The following HECTD2 variants were observed in gnomAD, a reference collection of about 807,000 sequenced individuals.
HECTD2 encodes the protein probable E3 ubiquitin-protein ligase HECTD2.
HECTD2 carries 35 observed loss-of-function variants against 103.2 expected under a neutral mutation model. That is an observed-to-expected ratio of 0.34 (90% CI 0.26 to 0.45). The LOEUF is 0.45. HECTD2 is among the 20% of genes least tolerant of loss of function. HECTD2 has a pLI of 1.00. For missense variants in HECTD2, 596 were observed against 937.4 expected (o/e 0.64, Z 4.76); for synonymous variants, 281 against 329.9 (o/e 0.85, Z 1.61).
intron 1 of HECTD2, among the ~76,000 whole-genome samples, chr10:91,419,491 C>G (rs905541185): frequency 1.3e-5 from 2 of 151,956 alleles, no homozygotes; most frequent in East Asian, 1.9e-4. Context: ...ATTATATCAT[C>G]AAAAAGACCA....
intron 6 of HECTD2, among the ~76,000 whole-genome samples, chr10:91,480,552 A>G (rs902980524): frequency 2.5e-4 from 38 of 152,084 alleles, no homozygotes; most frequent in African/African-American, 8.4e-4. Context: ...TAGCCTTGAG[A>G]ATAACAAAAG....
intron 20 of HECTD2, 51 bp downstream of exon 20, chr10:91,501,385 C>A: frequency 8.7e-7 from 1 of 1,147,594 alleles, no homozygotes; most frequent in Non-Finnish European, 1.3e-6. Context: ...ACTGCTAATA[C>A]TGCTAATGAT....
intron 2 of HECTD2, among the ~76,000 whole-genome samples, chr10:91,435,527 G>A (rs763542275): frequency 1.3e-5 from 2 of 151,998 alleles, no homozygotes; most frequent in Non-Finnish European, 2.9e-5. Flanking sequence ...GTGATGACAA[G>A]TATCAACATT....
chr10:91,506,270 A>G (rs1362713652), intron 20 of HECTD2, among the ~76,000 whole-genome samples: 1 of 152,048 alleles, frequency 6.6e-6, no homozygotes, highest in African/African-American at 2.4e-5. Context: ...AAATAACTAA[A>G]ATCAGAGCAG....
In HECTD2 at chr10:91,507,778, G is replaced by T. The variant is rs1275969482; in HGVS notation, c.2211-4486G>T. ...CAGAATTGGAAAAAACTACTTTAAA[G>T]TTCATATGGAACCAAAAAAGAGCCC... On this transcript the variant is annotated intron_variant, in intron 20 of 20. Coordinates refer to ENST00000298068, the MANE Select transcript of HECTD2 (RefSeq NM_182765.6). Among the ~76,000 whole-genome samples the T allele has an allele frequency of 3.1e-5, 4 of 128,810 alleles. No homozygotes were observed. In the East Asian group the frequency reaches 8.8e-4, roughly 28 times the overall value. The allele number at this position is 128,810 out of a possible 152,430, so 84.5% of individuals were successfully genotyped here.
intron 20 of HECTD2, among the ~76,000 whole-genome samples, chr10:91,505,497 A>C (rs879893945): frequency 1.3e-3 from 194 of 152,056 alleles, no homozygotes; most frequent in South Asian, 3.1e-3. Context: ...AACAGACTTT[A>C]AACCAACAAA....
intron 5 of HECTD2, among the ~76,000 whole-genome samples, chr10:91,475,549 T>G (rs1845871340): frequency 6.6e-6 from 1 of 152,216 alleles, no homozygotes; most frequent in South Asian, 2.1e-4. Flanking sequence ...AAGAGTCTAG[T>G]AAGACTTTAA....
chr10:91,429,940 T>G (rs1328416943), intron 2 of HECTD2, among the ~76,000 whole-genome samples: 1 of 152,210 alleles, frequency 6.6e-6, no homozygotes, highest in African/African-American at 2.4e-5. Flanking sequence ...GTGTTTGCTC[T>G]TGTTTTTCTA....
intron 5 of HECTD2, among the ~76,000 whole-genome samples, chr10:91,474,900 A>T (rs572075994): frequency 2.6e-5 from 4 of 152,338 alleles, no homozygotes; most frequent in African/African-American, 9.6e-5. Context: ...TGATGAAAAT[A>T]ACTGAAACCA....
chr10:91,496,190 A>C (rs1846657097), intron 14 of HECTD2, 24 bp from the exon 15 acceptor site: 1 of 1,553,222 alleles, frequency 6.4e-7, no homozygotes, highest in Non-Finnish European at 8.8e-7. Context: ...TTTTATGTTA[A>C]TGCTTAACAT....
At chr10:91,505,274 A>G (rs1444681604) in intron 20 of HECTD2, among the ~76,000 whole-genome samples, 1 of 152,092 alleles carries the variant, frequency 6.6e-6, no homozygotes, top group East Asian at 1.9e-4. Flanking sequence ...ACATAACACT[A>G]TTAACTTTAA....
intron 20 of HECTD2, among the ~76,000 whole-genome samples, chr10:91,509,415 G>C (rs1385737636): frequency 6.6e-6 from 1 of 152,208 alleles, no homozygotes; most frequent in East Asian, 1.9e-4. Flanking sequence ...GTTTCTTAAA[G>C]AACTTAGAAC....
In HECTD2 at chr10:91,460,509, C is replaced by T. The variant is rs1366419961; in HGVS notation, c.351C>T (p.Ala117=). ...SMDASSSEMK[A]PVLPEPILPI... is the part of the protein sequence containing the mutation. ...ATGCATCATCATCCGAAATGAAGGC[C>T]CCAGTCCTTCCAGAACCTATTCTTC... Residue 117 remains alanine, a synonymous_variant, in exon 3 of 21, where the codon GCC becomes GCT. Coordinates refer to ENST00000298068, the MANE Select transcript of HECTD2 (RefSeq NM_182765.6). 1 of 1,612,698 alleles carries T rather than the reference C, an allele frequency of 6.2e-7. No individual in the cohort carries two copies. The highest frequency in any genetic ancestry group is 8.5e-7 in the Non-Finnish European group (1 of 1,179,328).
intron 1 of HECTD2, among the ~76,000 whole-genome samples, chr10:91,419,903 T>C (rs1342994092): frequency 6.6e-6 from 1 of 152,198 alleles, no homozygotes; most frequent in African/African-American, 2.4e-5. Context: ...AACTCAGTAA[T>C]AGCTGTGGTC....
intron 20 of HECTD2, among the ~76,000 whole-genome samples, chr10:91,506,373 C>A (rs200899657): frequency 5.6e-5 from 8 of 143,952 alleles, no homozygotes; most frequent in Admixed American, 2.1e-4. Context: ...TGATAGACCG[C>A]TAGCAAGACT....
At chr10:91,449,350 T>A (rs1214597248) in intron 2 of HECTD2, among the ~76,000 whole-genome samples, 1 of 152,114 alleles carries the variant, frequency 6.6e-6, no homozygotes, top group African/African-American at 2.4e-5. Flanking sequence ...AACACTTTTT[T>A]ATACTAAAAT....
chr10:91,488,539 A>T (rs1846348980), intron 11 of HECTD2: 1 of 152,194 alleles, frequency 6.6e-6, no homozygotes, highest in East Asian at 1.9e-4. Context: ...TCACAATTTT[A>T]AAAGAGGGAA....
At chr10:91,462,785 A>G (rs1845400972) in intron 5 of HECTD2, 1 of 984,496 alleles carries the variant, frequency 1.0e-6, no homozygotes, top group Non-Finnish European at 1.2e-6. Context: ...AAGAATGACC[A>G]CATTTTGAGA....
At chr10:91,509,784 G>C (rs2133389814) in intron 20 of HECTD2, among the ~76,000 whole-genome samples, 1 of 152,246 alleles carries the variant, frequency 6.6e-6, no homozygotes, top group Non-Finnish European at 1.5e-5. Flanking sequence ...TGAGCGGGTA[G>C]GGTGGGAGGA....
Sources: gnomAD v4.1 joint callset for allele counts (sites outside exome capture counted in the v4.1 genomes callset) on GRCh38, gnomAD v4.1.1 for gene constraint, MANE v1.5 for transcripts, NCBI Gene and HGNC (gene_info 2026-07-23, HGNC 2026-07-21) for gene names.